The following DCTN6 variants were observed in gnomAD, a reference collection of about 807,000 sequenced individuals.
DCTN6 encodes the protein dynactin 6.
In DCTN6, 15 loss-of-function variants were observed where a neutral mutation model predicts 25.8. The observed-to-expected ratio is 0.58, with a 90% CI of 0.39 to 0.89. The LOEUF (loss-of-function observed/expected upper bound fraction) is 0.89. Among genes scored for constraint, DCTN6 ranks in the 40% least tolerant of loss-of-function variants. The pLI is 0.00. For synonymous variants in DCTN6, 64 were observed against 78.3 expected, an observed-to-expected ratio of 0.82 and a Z score of 0.96; for missense variants, 198 against 237.6, an observed-to-expected ratio of 0.83 and a Z score of 1.09.
chr8:30,166,554 G>T (rs79502487), intron 2 of DCTN6, among the ~76,000 whole-genome samples: 1 of 150,570 alleles, frequency 6.6e-6, no homozygotes. Context: ...ATTATGTGGT[G>T]GGGGGGGTAT....
intron 2 of DCTN6, among the ~76,000 whole-genome samples, chr8:30,170,983 A>T (rs118165944): frequency 0.01 from 1,543 of 152,194 alleles, 36 homozygotes; most frequent in East Asian, 0.057. Context: ...TGTGAAAAAA[A>T]TTTTTAAAAA....
intron 5 of DCTN6, 97 bp downstream of exon 5, chr8:30,179,552 G>A: frequency 9.7e-7 from 1 of 1,028,994 alleles, no homozygotes. Flanking sequence ...GCAAGGTGTT[G>A]TGCTTGGAAG....
chr8:30,182,962 T>C, intron 6 of DCTN6, 113 bp from the exon 7 acceptor site: 2 of 772,228 alleles, frequency 2.6e-6, no homozygotes, highest in Non-Finnish European at 2.2e-6. Flanking sequence ...CATCCTCCTG[T>C]CTGGGCCTCC....
At chr8:30,178,120 C>T (rs16876622) in intron 4 of DCTN6, among the ~76,000 whole-genome samples, 15,356 of 151,958 alleles carry the variant, frequency 0.1, 872 homozygotes, top group East Asian at 0.27. Flanking sequence ...TGTCTTTTTT[C>T]CTCCCTAGAA....
rs529884392 is a variant in DCTN6, at chr8:30,182,692, C to CT, written c.475-369dup. 1.5e-3 allele frequency among the ~76,000 whole-genome samples: 215 copies of CT among 142,998 alleles called. 1 individual carries two copies. The highest frequency in any genetic ancestry group is 2.2e-3 in the African/African-American group (87 of 39,180). 93.8% of individuals were successfully genotyped at this position (142,998 alleles called of 152,430 possible). On this transcript the variant is annotated intron_variant, in intron 6 of 6. Transcript: ENST00000221114. ...TATTAATAACCATTGCTACCTGGAA[C>CT]TTTTTTTTTTTTTTCTTTGAGACAG...
intron 1 of DCTN6, among the ~76,000 whole-genome samples, chr8:30,160,266 C>T (rs1021066616): frequency 2.0e-5 from 3 of 152,180 alleles, no homozygotes; most frequent in Non-Finnish European, 4.4e-5. Flanking sequence ...TTTCCCCCAT[C>T]CTGTTCTCAT....
chr8:30,159,687 G>A (rs1803573447), intron 1 of DCTN6, among the ~76,000 whole-genome samples: 2 of 151,860 alleles, frequency 1.3e-5, no homozygotes, highest in Admixed American at 1.3e-4. Context: ...ATTCTCAGAT[G>A]GTGCCATTAG....
At chr8:30,170,293 T>C (rs1803746809) in intron 2 of DCTN6, among the ~76,000 whole-genome samples, 1 of 152,224 alleles carries the variant, frequency 6.6e-6, no homozygotes, top group Non-Finnish European at 1.5e-5. Flanking sequence ...GAGAAGCTAT[T>C]TGATGAGTTA....
intron 1 of DCTN6, among the ~76,000 whole-genome samples, chr8:30,157,500 C>T (rs1435558873): frequency 6.6e-6 from 1 of 152,148 alleles, no homozygotes; most frequent in Non-Finnish European, 1.5e-5. Context: ...TTGCTGGGTC[C>T]AATGGTACTT....
At chr8:30,171,417 T>C (rs1424679545) in intron 2 of DCTN6, among the ~76,000 whole-genome samples, 1 of 151,752 alleles carries the variant, frequency 6.6e-6, no homozygotes, top group Non-Finnish European at 1.5e-5. Context: ...AACTGGCCAA[T>C]TTTTTTTTAA....
In DCTN6 at chr8:30,175,125, G is replaced by A. The variant is rs200305372; in HGVS notation, c.129G>A (p.Ala43=). Residue 43 remains alanine (A), a synonymous_variant, in exon 3 of 7, where the codon GCG becomes GCA. Coordinates refer to ENST00000221114, the MANE Select transcript of DCTN6 (RefSeq NM_006571.4). ...TVIHPKARII[A]EAGPIVIGEG... ...TCCACCCTAAAGCAAGAATTATTGCGGAAGCCGGGCCAATAGTGATTGGCG... is the reference window on the plus strand; with the variant it reads ...TCCACCCTAAAGCAAGAATTATTGCAGAAGCCGGGCCAATAGTGATTGGCG... 32 of 1,614,056 alleles carry A rather than the reference G, an allele frequency of 2.0e-5. No individual in the cohort carries two copies. In the East Asian group the frequency reaches 2.2e-4, roughly 11 times the overall value.
intron 4 of DCTN6, chr8:30,177,438 G>A: frequency 2.9e-6 from 1 of 343,944 alleles, no homozygotes. Context: ...GGGTGCGGTG[G>A]CTCATGCCTG....
chr8:30,158,618 T>C (rs941458649), intron 1 of DCTN6, among the ~76,000 whole-genome samples: 4 of 152,034 alleles, frequency 2.6e-5, no homozygotes, highest in African/African-American at 7.2e-5. Flanking sequence ...TTAGACCAGG[T>C]GATTTTCTTC....
At chr8:30,168,844 C>T (rs2117585061) in intron 2 of DCTN6, among the ~76,000 whole-genome samples, 1 of 152,322 alleles carries the variant, frequency 6.6e-6, no homozygotes, top group East Asian at 1.9e-4. Flanking sequence ...GGAAAAGTAA[C>T]AGCCCTCTTG....
At chr8:30,164,663 G>A (rs773139748) in intron 2 of DCTN6, among the ~76,000 whole-genome samples, 9 of 152,150 alleles carry the variant, frequency 5.9e-5, no homozygotes, top group African/African-American at 1.9e-4. Flanking sequence ...GATCAGGTTC[G>A]GCTGCATGTA....
intron 2 of DCTN6, among the ~76,000 whole-genome samples, chr8:30,173,731 T>TAAAAAAAA (rs371782984): frequency 1.0e-5 from 1 of 96,048 alleles, no homozygotes; most frequent in African/African-American, 3.5e-5. Context: ...CCCTGTCTCT[T>TAAAAAAAA]AAAAAAAAAA....
chr8:30,182,946 T>A, intron 6 of DCTN6, 129 bp from the exon 7 acceptor site: 1 of 697,644 alleles, frequency 1.4e-6, no homozygotes, highest in Non-Finnish European at 2.5e-6. Flanking sequence ...ACTCCTGAGC[T>A]CAAATCATCC....
chr8:30,166,485 A>G (rs1213858966), intron 2 of DCTN6, among the ~76,000 whole-genome samples: 3 of 151,994 alleles, frequency 2.0e-5, no homozygotes, highest in Admixed American at 1.3e-4. Flanking sequence ...TATAATGTCT[A>G]CTATAAGATA....
intron 2 of DCTN6, 145 bp from the exon 3 acceptor site, chr8:30,174,940 G>GT (rs762910160): frequency 4.4e-6 from 3 of 676,872 alleles, no homozygotes; most frequent in Non-Finnish European, 7.6e-6. Flanking sequence ...CTGGGAGATA[G>GT]TATCTGTGAA....
Sources: gnomAD v4.1 joint callset for allele counts (sites outside exome capture counted in the v4.1 genomes callset) on GRCh38, gnomAD v4.1.1 for gene constraint, MANE v1.5 for transcripts, NCBI Gene and HGNC (gene_info 2026-07-23, HGNC 2026-07-21) for gene names.